The following NGFR variants were observed in gnomAD, a reference collection of about 807,000 sequenced individuals.
NGFR encodes the protein nerve growth factor receptor, also known as tumor necrosis factor receptor superfamily member 16.
NGFR carries 30 observed loss-of-function variants against 43.2 expected under a neutral mutation model. The observed-to-expected ratio is 0.69, with a 90% CI of 0.52 to 0.94. NGFR has a LOEUF of 0.94. Ranked by LOEUF, NGFR falls within the 40% of genes least tolerant of loss-of-function variation. The probability of loss-of-function intolerance (pLI) is 0.00; values close to 1 mark genes in which losing one functional copy is unlikely to be tolerated. For missense variants in NGFR, 529 were observed against 602.5 expected, an observed-to-expected ratio of 0.88 and a Z score of 1.28; for synonymous variants, 246 against 259.6, an observed-to-expected ratio of 0.95 and a Z score of 0.50.
Position 49,495,512 on chromosome 17 carries a change from C to T in NGFR, c.66+29C>T. ...AGTGTTAGCCGGAGGGGGCCCGCTC[C>T]CTTTCCCGGGATCAGAACTCCGAGA... On this transcript the variant is annotated intron_variant, in intron 1 of 5. Transcript: ENST00000172229. The surrounding 1 kb of genome is among the most constrained non-coding windows in gnomAD (Gnocchi z 6.4). 3 of 1,231,590 alleles carry T rather than the reference C, an allele frequency of 2.4e-6. No individual in the cohort carries two copies. The highest frequency in any genetic ancestry group is 3.0e-6 in the Non-Finnish European group (3 of 984,916). The allele number at this position is 1,231,590 out of a possible 1,614,324, so 76.3% of individuals were successfully genotyped here.
Position 49,512,105 on chromosome 17 carries a change from A to C in NGFR, c.982+53A>C. ...GGCGGAGCTGAGGCTGAGGAAACAG[A>C]AGCAATTAAGATTAGACTCCAGGAA... On this transcript the variant is annotated intron_variant, in intron 5 of 5. Coordinates refer to ENST00000172229, the MANE Select transcript of NGFR (RefSeq NM_002507.4). The surrounding 1 kb of genome is among the most constrained non-coding windows in gnomAD (Gnocchi z 5.2). The C allele has an allele frequency of 6.3e-7, 1 of 1,583,574 alleles. No homozygotes were observed. The highest frequency in any genetic ancestry group is 8.6e-7 in the Non-Finnish European group (1 of 1,164,158).
intron 1 of NGFR, among the ~76,000 whole-genome samples, chr17:49,499,372 G>A (rs575137288): frequency 3.3e-4 from 50 of 152,206 alleles, no homozygotes; most frequent in African/African-American, 1.1e-3. Flanking sequence ...GAAAAGAGGG[G>A]TCCCAAAGTA....
chr17:49,502,867 CCTTT>C (rs2071175933), intron 2 of NGFR, among the ~76,000 whole-genome samples: 2 of 141,290 alleles, frequency 1.4e-5, no homozygotes, highest in African/African-American at 2.7e-5. Context: ...TTCCTTCCTT[CCTTT>C]CTCTCTCTCT....
intron 1 of NGFR, among the ~76,000 whole-genome samples, chr17:49,500,495 AG>A (rs2071161782): frequency 6.6e-6 from 1 of 152,256 alleles, no homozygotes; most frequent in African/African-American, 2.4e-5. Flanking sequence ...AGAGAACCGG[AG>A]AACAGGCTGG....
rs1216526558 is a variant in NGFR, at chr17:49,513,615, G to A, written c.*606G>A. ...GATATAGGTCAGTGAGGCCCAGGGA[G>A]AGGCCATGATTCGCCCAAAGCCAGA... On this transcript the variant is annotated 3_prime_UTR_variant, in exon 6 of 6. Coordinates refer to ENST00000172229, the MANE Select transcript of NGFR (RefSeq NM_002507.4). 6.6e-6 allele frequency: 1 copy of A among 152,538 alleles called. No homozygotes were observed. Among genetic ancestry groups the A allele is most frequent in the Non-Finnish European group, 1.5e-5 (1 of 68,280 alleles). The allele number at this position is 152,538 out of a possible 1,614,324, so 9.4% of individuals were successfully genotyped here.
In NGFR at chr17:49,506,109, T is replaced by C. The variant is rs944866579; in HGVS notation, c.209-190T>C. The C allele has an allele frequency of 9.4e-6, 11 of 1,172,856 alleles. No homozygotes were observed. In the African/African-American group the frequency reaches 1.3e-4, roughly 13 times the overall value. 72.7% of individuals were successfully genotyped at this position (1,172,856 alleles called of 1,614,324 possible). The stretch of plus-strand genomic sequence containing the variant: ...ATGCGGCTCCGGGCCTCCTCCCCCT[T>C]TCCCAGTTGGCTGCCACCAACTTTC... On this transcript the variant is annotated intron_variant, in intron 2 of 5. Coordinates refer to ENST00000172229, the MANE Select transcript of NGFR (RefSeq NM_002507.4).
intron 3 of NGFR, among the ~76,000 whole-genome samples, chr17:49,509,646 C>G (rs964354116): frequency 6.6e-6 from 1 of 152,224 alleles, no homozygotes; most frequent in Non-Finnish European, 1.5e-5. Context: ...TCCACTGGCT[C>G]TCTGCTTCCT....
At chr17:49,501,978 G>A (rs2143427300) in intron 1 of NGFR, 85 bp from the exon 2 acceptor site, 3 of 1,362,022 alleles carry the variant, frequency 2.2e-6, no homozygotes, top group South Asian at 1.5e-5. Context: ...AGTGGGAGGA[G>A]GGTGTTTGAT....
rs1054663583 is a variant in NGFR, at chr17:49,495,782, C to G, written c.66+299C>G. 2.5e-5 allele frequency: 9 copies of G among 358,786 alleles called. No homozygotes were observed. Among genetic ancestry groups the G allele is most frequent in the African/African-American group, 1.5e-4 (7 of 47,816 alleles). 22.2% of individuals were successfully genotyped at this position (358,786 alleles called of 1,614,324 possible). On this transcript the variant is annotated intron_variant, in intron 1 of 5. Transcript: ENST00000172229. This position sits in a 1 kb window ranked among gnomAD's most constrained non-coding sequence, Gnocchi z 6.4. Reference sequence around the variant, plus strand: ...CTTTCAAGAGGGGGCATGGGGCTCTCCGATGCCCAGGTTCTTCGGAAGAGG... The same window carrying G: ...CTTTCAAGAGGGGGCATGGGGCTCTGCGATGCCCAGGTTCTTCGGAAGAGG...
intron 3 of NGFR, among the ~76,000 whole-genome samples, chr17:49,509,989 G>T (rs11466153): frequency 0.014 from 2,145 of 152,264 alleles, 67 homozygotes; most frequent in African/African-American, 0.047. Flanking sequence ...AGTGACTCCA[G>T]CTCAAGGCCT....
chr17:49,513,379 A>G lies in NGFR; in HGVS notation c.*370A>G, dbSNP rs1487706596. ...AACACCAGGGATGGTACTAGGGGGA[A>G]GTGACAAGGCCCCAGAGACTCAGAG... On this transcript the variant is annotated 3_prime_UTR_variant, in exon 6 of 6. Coordinates refer to ENST00000172229, the MANE Select transcript of NGFR (RefSeq NM_002507.4). 8.2e-6 allele frequency: 2 copies of G among 243,022 alleles called. No individual in the cohort carries two copies. The highest frequency in any genetic ancestry group is 1.3e-3 in the Middle Eastern group (1 of 774). 15.1% of individuals were successfully genotyped at this position (243,022 alleles called of 1,614,324 possible).
intron 4 of NGFR, 125 bp downstream of exon 4, chr17:49,510,789 T>C (rs751621582): frequency 2.4e-6 from 3 of 1,237,380 alleles, no homozygotes; most frequent in Non-Finnish European, 3.4e-6. Context: ...TCATCCTCAC[T>C]CATCATCTGC....
At chr17:49,500,323 T>C (rs541555668) in intron 1 of NGFR, among the ~76,000 whole-genome samples, 3 of 152,332 alleles carry the variant, frequency 2.0e-5, no homozygotes, top group South Asian at 2.1e-4. Flanking sequence ...TTCTGGTTAA[T>C]TGAGGTCATA....
At chr17:49,506,683 G>T in intron 3 of NGFR, 25 bp downstream of exon 3, 1 of 1,181,792 alleles carries the variant, frequency 8.5e-7, no homozygotes. Context: ...GGGGGCGGGG[G>T]GAGTGGGGGT....
chr17:49,501,074 T>G (rs1445904733), intron 1 of NGFR, among the ~76,000 whole-genome samples: 1 of 152,212 alleles, frequency 6.6e-6, no homozygotes, highest in Non-Finnish European at 1.5e-5. Context: ...GACATTAAGT[T>G]TTTTTTAAAG....
chr17:49,498,676 A>T (rs1395966886), intron 1 of NGFR, among the ~76,000 whole-genome samples: 1 of 152,246 alleles, frequency 6.6e-6, no homozygotes, highest in African/African-American at 2.4e-5. Context: ...AGTTCCTTGT[A>T]AGCCTTGAAA....
At chr17:49,500,422 G>C (rs1280692740) in intron 1 of NGFR, among the ~76,000 whole-genome samples, 1 of 152,174 alleles carries the variant, frequency 6.6e-6, no homozygotes, top group East Asian at 1.9e-4. Flanking sequence ...GGGCAATCCA[G>C]CTCCCTCAGG....
chr17:49,504,963 G>A (rs546933034), intron 2 of NGFR, among the ~76,000 whole-genome samples: 96 of 151,746 alleles, frequency 6.3e-4, no homozygotes, highest in African/African-American at 2.2e-3. Context: ...ATAGAGATGG[G>A]GTTTTGCCAT....
intron 1 of NGFR, among the ~76,000 whole-genome samples, chr17:49,499,728 C>T (rs560097611): frequency 2.6e-5 from 4 of 152,234 alleles, no homozygotes; most frequent in South Asian, 4.2e-4. Context: ...GCTGAGACTA[C>T]AGGCGCCCGC....
Sources: gnomAD v4.1 joint callset for allele counts (sites outside exome capture counted in the v4.1 genomes callset) on GRCh38, gnomAD v4.1.1 for gene constraint, Gnocchi (gnomAD v3.1) non-coding constraint, MANE v1.5 for transcripts, NCBI Gene and HGNC (gene_info 2026-07-23, HGNC 2026-07-21) for gene names.